The following PATL2 variants were observed in gnomAD, a reference collection of about 807,000 sequenced individuals.
PATL2 encodes the protein PAT1 homolog 2, also known as protein PAT1 homolog 2.
A neutral mutation model predicts 77.0 loss-of-function variants in PATL2; 73 were observed. The observed-to-expected ratio is 0.95, with a 90% CI of 0.78 to 1.15. The LOEUF is 1.15. Among genes scored for constraint, PATL2 ranks in the 50% most tolerant of loss-of-function variants. PATL2 has a pLI of 0.00. For missense variants in PATL2, 618 were observed against 655.4 expected (o/e 0.94, Z 0.62); for synonymous variants, 265 against 257.1 (o/e 1.03, Z -0.29).
chr15:44,676,622 AC>A (rs1290109722), intron 3 of PATL2, 57 bp from the exon 4 acceptor site: 1 of 1,423,890 alleles, frequency 7.0e-7, no homozygotes, highest in Non-Finnish European at 9.6e-7. Context: ...ATGACATGGC[AC>A]CCTAAAACAG....
Position 44,667,153 on chromosome 15 carries a change from T to C in PATL2, c.1416A>G (p.Val472=). Residue 472 remains valine (V), a synonymous_variant, in exon 16 of 18, where the codon GTA becomes GTG. Coordinates refer to ENST00000682850, the MANE Select transcript of PATL2 (RefSeq NM_001387263.1). ...GTTCCTCTAGGGAAGAATGCAGCGA[T>C]ACCAGTTGCTCCCCATGGCTCAGCA... ...YALLSHGEQL[V]SLHSSLEEPN... The C allele has an allele frequency of 6.4e-7, 1 of 1,551,694 alleles. No homozygotes were observed. The highest frequency in any genetic ancestry group is 8.7e-7 in the Non-Finnish European group (1 of 1,146,992).
intron 13 of PATL2, 57 bp from the exon 14 acceptor site, chr15:44,669,196 G>T (rs772866180): frequency 6.6e-6 from 10 of 1,521,946 alleles, no homozygotes; most frequent in Non-Finnish European, 8.9e-6. Context: ...AGGGCTACAT[G>T]CCACAAAGGA....
intron 3 of PATL2, among the ~76,000 whole-genome samples, chr15:44,700,500 C>T (rs1229675341): frequency 6.6e-6 from 1 of 152,026 alleles, no homozygotes; most frequent in East Asian, 1.9e-4. Context: ...TGGGGTTTCA[C>T]CATATTGGCC....
At chr15:44,700,402 AG>A (rs1218709100) in intron 3 of PATL2, among the ~76,000 whole-genome samples, 1 of 152,044 alleles carries the variant, frequency 6.6e-6, no homozygotes, top group Non-Finnish European at 1.5e-5. Flanking sequence ...CCTGGGTTCA[AG>A]TGATTCTCCT....
Position 44,669,504 on chromosome 15 carries a change from T to G in PATL2, c.930+6A>C. On this transcript the variant is annotated splice_donor_region_variant and intron_variant, in intron 12 of 17. Transcript: ENST00000682850. ...GGAACTCGTCCCTAAGGAACTGATA[T>G]CTCACCTTCTCAATCCGGTATAATA... The G allele has an allele frequency of 6.4e-7, 1 of 1,551,132 alleles. No individual in the cohort carries two copies. Among genetic ancestry groups the G allele is most frequent in the Non-Finnish European group, 8.7e-7 (1 of 1,146,688 alleles).
intron 7 of PATL2, 105 bp from the exon 8 acceptor site, chr15:44,672,561 T>C: frequency 8.6e-7 from 1 of 1,162,712 alleles, no homozygotes; most frequent in South Asian, 1.4e-5. Context: ...TAAGGAACCT[T>C]ATCTGTTTAG....
intron 3 of PATL2, among the ~76,000 whole-genome samples, chr15:44,680,829 C>T (rs1346391262): frequency 6.6e-6 from 1 of 152,118 alleles, no homozygotes. Context: ...TCCATAAGCC[C>T]CTTCAACACT....
chr15:44,709,969 G>A (rs542990867), intron 3 of PATL2, among the ~76,000 whole-genome samples, 127 bp downstream of exon 3: 1 of 152,302 alleles, frequency 6.6e-6, no homozygotes, highest in South Asian at 2.1e-4. Context: ...GGGAGCAAGA[G>A]TGTCTTAACT....
Position 44,669,837 on chromosome 15 carries a change from C to T in PATL2, c.816G>A (p.Val272=). 6.4e-7 allele frequency: 1 copy of T among 1,551,674 alleles called. No homozygotes were observed. The highest frequency in any genetic ancestry group is 8.7e-7 in the Non-Finnish European group (1 of 1,147,008). Residue 272 remains valine (V), a synonymous_variant, in exon 11 of 18, where the codon GTG becomes GTA. Coordinates refer to ENST00000682850, the MANE Select transcript of PATL2 (RefSeq NM_001387263.1). The part of the protein sequence containing the change: ...RIEGSLGQVA[V]STCFSPRRAI... ...CTCGGCGAGGGCTGAAGCATGTCGA[C>T]ACAGCTACCTGGCCCAGGGAACCCT... is the stretch of plus-strand genomic sequence containing the variant.
intron 5 of PATL2, 105 bp downstream of exon 5, chr15:44,675,381 C>T (rs2085901341): frequency 7.7e-7 from 1 of 1,305,954 alleles, no homozygotes; most frequent in African/African-American, 1.5e-5. Flanking sequence ...TAATCCAGAA[C>T]TTGTCTTAGA....
intron 9 of PATL2, among the ~76,000 whole-genome samples, 189 bp downstream of exon 9, chr15:44,671,826 T>C (rs1165307397): frequency 6.6e-6 from 1 of 152,236 alleles, no homozygotes; most frequent in East Asian, 1.9e-4. Flanking sequence ...TTGGCTGAAA[T>C]GTAGGAAGAT....
At chr15:44,676,275 T>C (rs1273786432) in intron 4 of PATL2, 200 bp downstream of exon 4, 1 of 600,094 alleles carries the variant, frequency 1.7e-6, no homozygotes, top group African/African-American at 1.9e-5. Context: ...TGGGTTGTTG[T>C]TGATAATTTT....
chr15:44,708,897 C>T (rs1435677946), intron 3 of PATL2, among the ~76,000 whole-genome samples: 1 of 152,042 alleles, frequency 6.6e-6, no homozygotes, highest in East Asian at 1.9e-4. Context: ...GAAGTGTTTT[C>T]CTTTTTCTTT....
At chr15:44,680,093 G>T (rs954931809) in intron 3 of PATL2, among the ~76,000 whole-genome samples, 3 of 152,106 alleles carry the variant, frequency 2.0e-5, no homozygotes, top group Non-Finnish European at 4.4e-5. Context: ...GGTGGGAAAG[G>T]CTCCCCACTC....
chr15:44,699,961 A>G (rs939664402), intron 3 of PATL2, among the ~76,000 whole-genome samples: 2 of 152,122 alleles, frequency 1.3e-5, no homozygotes, highest in African/African-American at 4.8e-5. Flanking sequence ...CTTTTTGCTC[A>G]AGATAGTTTT....
chr15:44,691,406 C>T (rs887163046), intron 3 of PATL2, among the ~76,000 whole-genome samples: 7 of 152,100 alleles, frequency 4.6e-5, no homozygotes, highest in Admixed American at 2.6e-4. Flanking sequence ...GCCTGTAATC[C>T]CAGTACTTTG....
At chr15:44,669,902 T>A in intron 10 of PATL2, 28 bp from the exon 11 acceptor site, 1 of 1,550,576 alleles carries the variant, frequency 6.4e-7, no homozygotes, top group Middle Eastern at 1.7e-4. Flanking sequence ...CACATTTCCT[T>A]CCCCCTCCCA....
chr15:44,671,030 G>C (rs191234004), intron 9 of PATL2, among the ~76,000 whole-genome samples: 162 of 152,314 alleles, frequency 1.1e-3, no homozygotes, highest in African/African-American at 3.6e-3. Context: ...TTGTTTAGAA[G>C]CAATGCCAAA....
chr15:44,672,461 G>C lies in PATL2; in HGVS notation c.447-5C>G, dbSNP rs760697966. ...GGGTGGAGCTGGGTCAGATGACTGG[G>C]AAGACAAGAAGTAACGAGCTGGGTG... On this transcript the variant is annotated splice_region_variant and splice_polypyrimidine_tract_variant and intron_variant, in intron 7 of 17. Transcript: ENST00000682850. The C allele has an allele frequency of 1.9e-5, 30 of 1,551,084 alleles. No individual in the cohort carries two copies. The highest frequency in any genetic ancestry group is 2.4e-5 in the Non-Finnish European group (28 of 1,146,582).
Sources: allele counts gnomAD v4.1 joint callset (sites outside exome capture counted in the v4.1 genomes callset), GRCh38; gene constraint gnomAD v4.1.1; transcripts MANE v1.5; gene names NCBI Gene and HGNC (gene_info 2026-07-23, HGNC 2026-07-21).